The following OR1B1 variants were observed in gnomAD, a reference collection of about 807,000 sequenced individuals.
OR1B1 encodes the protein olfactory receptor family 1 subfamily B member 1.
For synonymous variants in OR1B1, 168 were observed against 156.2 expected (o/e 1.08, Z -0.57); for missense variants, 414 against 402.1 (o/e 1.03, Z -0.25).
chr9:122,633,276 C>T (rs897211960), upstream of OR1B1, among the ~76,000 whole-genome samples: 2 of 152,176 alleles, frequency 1.3e-5, no homozygotes, highest in Non-Finnish European at 2.9e-5. Context: ...GGACCCTTAT[C>T]TCACACCATT....
upstream of OR1B1, among the ~76,000 whole-genome samples, chr9:122,630,803 G>A (rs558605702): frequency 1.3e-5 from 2 of 152,070 alleles, no homozygotes; most frequent in East Asian, 3.9e-4. Context: ...TGCCTCCCAG[G>A]GTCAAGTGAT....
upstream of OR1B1, among the ~76,000 whole-genome samples, chr9:122,632,040 A>G (rs1258126860): frequency 2.0e-5 from 3 of 152,234 alleles, no homozygotes; most frequent in Non-Finnish European, 4.4e-5. Flanking sequence ...TTTAGAAGTG[A>G]ACATAAAACT....
chr9:122,635,147 G>A, the OR1B1 span, among the ~76,000 whole-genome samples: 1 of 152,132 alleles, frequency 6.6e-6, no homozygotes, highest in Non-Finnish European at 1.5e-5. Context: ...TTTAATGAAT[G>A]AATGGCTAAA....
At chr9:122,640,279 T>C in the OR1B1 span, among the ~76,000 whole-genome samples, 7 of 152,172 alleles carry the variant, frequency 4.6e-5, no homozygotes, top group Non-Finnish European at 1.0e-4. Flanking sequence ...CTCTTTTCTA[T>C]ATATTTTCCT....
the OR1B1 span, among the ~76,000 whole-genome samples, chr9:122,656,577 C>G: frequency 6.6e-6 from 1 of 152,138 alleles, no homozygotes; most frequent in African/African-American, 2.4e-5. Flanking sequence ...ATGGGATAAC[C>G]CTTGCCAAAT....
the OR1B1 span, among the ~76,000 whole-genome samples, chr9:122,656,142 G>T: frequency 6.6e-5 from 10 of 151,966 alleles, no homozygotes; most frequent in Admixed American, 1.3e-4. Flanking sequence ...TCCATTTTTT[G>T]TTGTTGTTGT....
At chr9:122,628,488 C>T, downstream of OR1B1, 3 of 788,468 alleles carry the variant, frequency 3.8e-6, no homozygotes, top group Non-Finnish European at 6.4e-6. Flanking sequence ...TTATCTAGGC[C>T]CTCCACCCCT....
chr9:122,633,192 A>C (rs1017275733), upstream of OR1B1, among the ~76,000 whole-genome samples: 1 of 152,212 alleles, frequency 6.6e-6, no homozygotes. Context: ...TTCAGGAAAC[A>C]AAATAAGAAG....
the OR1B1 span, among the ~76,000 whole-genome samples, chr9:122,647,578 A>C: frequency 2.0e-5 from 3 of 152,250 alleles, no homozygotes; most frequent in Non-Finnish European, 4.4e-5. Context: ...TGAACTTGAA[A>C]TAAAGAAAAT....
At chr9:122,634,082 A>G (rs955335356), upstream of OR1B1, among the ~76,000 whole-genome samples, 64 of 152,108 alleles carry the variant, frequency 4.2e-4, no homozygotes, top group African/African-American at 1.4e-4. Context: ...CATGCCTGTA[A>G]TCCCAGCACA....
the OR1B1 span, among the ~76,000 whole-genome samples, chr9:122,634,855 A>G: frequency 6.6e-6 from 1 of 151,984 alleles, no homozygotes; most frequent in Non-Finnish European, 1.5e-5. Flanking sequence ...GATGGTTATT[A>G]TGCGGAATAA....
At chr9:122,640,561 C>A in the OR1B1 span, among the ~76,000 whole-genome samples, 4 of 152,112 alleles carry the variant, frequency 2.6e-5, no homozygotes, top group Non-Finnish European at 5.9e-5. Flanking sequence ...ATGGAGTGGG[C>A]GGGAAATGAA....
At chr9:122,654,025 T>A in the OR1B1 span, among the ~76,000 whole-genome samples, 5 of 152,116 alleles carry the variant, frequency 3.3e-5, no homozygotes, top group Non-Finnish European at 7.4e-5. Context: ...ACAGTAAACA[T>A]GCTCCAGAAA....
chr9:122,631,413 G>A (rs1273396568), upstream of OR1B1, among the ~76,000 whole-genome samples: 1 of 151,920 alleles, frequency 6.6e-6, no homozygotes, highest in Admixed American at 6.6e-5. Context: ...TCCTGACCTC[G>A]TGATCCGCCC....
chr9:122,651,484 C>T, the OR1B1 span, among the ~76,000 whole-genome samples: 2 of 152,172 alleles, frequency 1.3e-5, no homozygotes, highest in Non-Finnish European at 2.9e-5. Flanking sequence ...CCTAACCTTC[C>T]CAGCCTCTAG....
the OR1B1 span, among the ~76,000 whole-genome samples, chr9:122,643,727 G>A: frequency 1.3e-5 from 2 of 152,224 alleles, no homozygotes; most frequent in Non-Finnish European, 2.9e-5. Flanking sequence ...TGCTTATGGA[G>A]AGGAGAATGA....
At chr9:122,640,814 C>T in the OR1B1 span, among the ~76,000 whole-genome samples, 1 of 152,094 alleles carries the variant, frequency 6.6e-6, no homozygotes, top group Non-Finnish European at 1.5e-5. Context: ...ATCAGGTAGT[C>T]ACATGATCCA....
At chr9:122,657,061 A>G in the OR1B1 span, among the ~76,000 whole-genome samples, 1 of 151,948 alleles carries the variant, frequency 6.6e-6, no homozygotes, top group Non-Finnish European at 1.5e-5. Flanking sequence ...GACTACTAAT[A>G]TGTTTGAAGA....
At chr9:122,653,454 A>G in the OR1B1 span, among the ~76,000 whole-genome samples, 7 of 152,188 alleles carry the variant, frequency 4.6e-5, no homozygotes, top group Admixed American at 4.6e-4. Flanking sequence ...TAATATTGCT[A>G]CTATTAAATA....
Sources: gnomAD v4.1 joint callset for allele counts (sites outside exome capture counted in the v4.1 genomes callset) on GRCh38, gnomAD v4.1.1 for gene constraint, MANE v1.5 for transcripts, NCBI Gene and HGNC (gene_info 2026-07-23, HGNC 2026-07-21) for gene names.